CUX2: variants seen among roughly 807,000 people sequenced by gnomAD.
CUX2 encodes homeobox protein cut-like 2.
Under a neutral mutation model 144.8 loss-of-function variants are expected in CUX2, and 40 were observed. The observed-to-expected ratio is 0.28, with a 90% CI of 0.21 to 0.36. The LOEUF (loss-of-function observed/expected upper bound fraction) is 0.36. CUX2 is among the 10% of genes least tolerant of loss of function. CUX2 has a pLI of 1.00. For missense variants in CUX2, 1,615 were observed against 1,994.0 expected, an observed-to-expected ratio of 0.81 and a Z score of 3.62; for synonymous variants, 827 against 875.6, an observed-to-expected ratio of 0.94 and a Z score of 0.98.
At chr12:111,266,903 T>C (rs1034603301) in intron 4 of CUX2, among the ~76,000 whole-genome samples, 8 of 152,148 alleles carry the variant, frequency 5.3e-5, no homozygotes, top group Non-Finnish European at 1.2e-4. Context: ...TGGTTAGAAA[T>C]GCAGAGGCTC....
At chr12:111,099,745 C>A (rs573932560) in intron 1 of CUX2, 1 of 453,764 alleles carries the variant, frequency 2.2e-6, no homozygotes, top group Non-Finnish European at 4.4e-6. Flanking sequence ...GGGGCCTGCA[C>A]GGATGGTGTA....
chr12:111,248,166 G>T (rs1883372927), intron 3 of CUX2, among the ~76,000 whole-genome samples: 2 of 152,198 alleles, frequency 1.3e-5, no homozygotes, highest in Non-Finnish European at 2.9e-5. Flanking sequence ...CTCCCAGAGT[G>T]CCGGGATTAT....
At chr12:111,292,827 A>C (rs1161547657) in intron 5 of CUX2, among the ~76,000 whole-genome samples, 2 of 151,816 alleles carry the variant, frequency 1.3e-5, no homozygotes, top group African/African-American at 2.4e-5. Flanking sequence ...ATGGTGGTTA[A>C]AATAGTGAAT....
chr12:111,137,409 A>T (rs1373325673), intron 1 of CUX2, among the ~76,000 whole-genome samples: 1 of 151,638 alleles, frequency 6.6e-6, no homozygotes, highest in Non-Finnish European at 1.5e-5. Context: ...ATAGAATTGA[A>T]ATCAGACACT....
chr12:111,246,707 T>C lies in CUX2; in HGVS notation c.223-17054T>C, dbSNP rs1380768223. ...AGAGGAATGGACTGTGGGTGTTGTC[T>C]GGCAAGGCGAGGTCCTTTCTCACCT... On this transcript the variant is annotated intron_variant, in intron 3 of 21. Coordinates refer to ENST00000261726, the MANE Select transcript of CUX2 (RefSeq NM_015267.4). The surrounding 1 kb of genome is among the most constrained non-coding windows in gnomAD (Gnocchi z 4.0). Among the ~76,000 whole-genome samples the C allele has an allele frequency of 6.6e-6, 1 of 152,240 alleles. No individual in the cohort carries two copies. Among genetic ancestry groups the C allele is most frequent in the Non-Finnish European group, 1.5e-5 (1 of 68,042 alleles).
intron 1 of CUX2, among the ~76,000 whole-genome samples, chr12:111,092,828 T>G (rs1333932404): frequency 1.3e-5 from 2 of 149,216 alleles, no homozygotes; most frequent in African/African-American, 5.1e-5. Flanking sequence ...TTTTTTTTTT[T>G]TTTTAAGAAA....
In CUX2 at chr12:111,310,660, G is replaced by T; in HGVS notation, c.1878G>T (p.Arg626Ser). 6.3e-7 allele frequency: 1 copy of T among 1,594,170 alleles called. No homozygotes were observed. Among genetic ancestry groups the T allele is most frequent in the South Asian group, 1.1e-5 (1 of 90,350 alleles). ...ATGAGCAGAATGTACTGGCGCTCAGGACCATCCAAGTGCGGCAGCGAGGTG... is the reference window on the plus strand; with the variant it reads ...ATGAGCAGAATGTACTGGCGCTCAGTACCATCCAAGTGCGGCAGCGAGGTG... Reference protein sequence around the residue: ...LSDEQNVLALRTIQVRQRGSI... With the variant: ...LSDEQNVLALSTIQVRQRGSI... The change falls in exon 15 of 22, where the codon AGG becomes AGT. Residue 626 changes from arginine to serine, a missense_variant. Arg to Ser is a moderately radical substitution (Grantham distance 110, BLOSUM62 -1). Coordinates refer to ENST00000261726, the MANE Select transcript of CUX2 (RefSeq NM_015267.4). This position sits in a 1 kb window ranked among gnomAD's most constrained non-coding sequence, Gnocchi z 7.9.
intron 9 of CUX2, among the ~76,000 whole-genome samples, chr12:111,302,172 A>G (rs1886323940): frequency 6.6e-6 from 1 of 152,254 alleles, no homozygotes; most frequent in South Asian, 2.1e-4. Context: ...CATTGGGCAT[A>G]GCATCCTGAT....
In CUX2 at chr12:111,320,347, G is replaced by T; in HGVS notation, c.2338G>T (p.Gly780Cys). 1.3e-6 allele frequency: 2 copies of T among 1,598,130 alleles called. No individual in the cohort carries two copies. The highest frequency in any genetic ancestry group is 1.3e-5 in the African/African-American group (1 of 74,980). Residue 780 changes from glycine (G) to cysteine (C), a missense_variant, in exon 17 of 22, where the codon GGC (glycine) becomes TGC (cysteine). Physicochemically the swap from Gly to Cys is radical, Grantham distance 159. This residue lies in a region of CUX2 where 390 missense variants were observed against 387.1 expected (regional missense o/e 1.01). Transcript: ENST00000261726. This position sits in a 1 kb window ranked among gnomAD's most constrained non-coding sequence, Gnocchi z 8.1. The stretch of plus-strand genomic sequence containing the variant: ...CATCCGCAAGGTCAAGTCCGAGATC[G>T]GCGACGCCGGCTACTTCGACCACCA... ...SIIRKVKSEI[G>C]DAGYFDHHWA...
chr12:111,053,638 C>G (rs1276159093), intron 1 of CUX2, among the ~76,000 whole-genome samples: 1 of 152,222 alleles, frequency 6.6e-6, no homozygotes, highest in African/African-American at 2.4e-5. Flanking sequence ...TTCGTGGGCC[C>G]TGGCCCTCTT....
chr12:111,279,365 CAT>C lies in CUX2; in HGVS notation c.302-12052_302-12051del, dbSNP rs528982811. On this transcript the variant is annotated intron_variant, in intron 4 of 21. Coordinates refer to ENST00000261726, the MANE Select transcript of CUX2 (RefSeq NM_015267.4). ...ACAGTTTGTATTGAGTCCATTGCCA[CAT>C]GTTATGGTTTGAATTGTGTCCTCCA... Among the ~76,000 whole-genome samples the C allele has an allele frequency of 3.2e-3, 486 of 152,332 alleles. 2 individuals carry two copies. Among genetic ancestry groups the C allele is most frequent in the Middle Eastern group, 0.01 (3 of 294 alleles).
In CUX2 at chr12:111,322,565, C is replaced by A. The variant is rs767356357; in HGVS notation, c.2911C>A (p.Pro971Thr). ...GCTCGGCCAGGCAGTGGGCCAGCAG[C>A]CTGGTGCCTCCCAGGGTGAGTGCGG... is the stretch of plus-strand genomic sequence containing the variant. The part of the protein sequence containing the change: ...DQLGQAVGQQ[P>T]GASQASPTEP... The change falls in exon 18 of 22, where the codon CCT becomes ACT. Residue 971 changes from proline (P) to threonine (T), a missense_variant. Physicochemically the swap from Pro to Thr is conservative, Grantham distance 38. This residue lies in a region of CUX2 where 128 missense variants were observed against 124.4 expected (regional missense o/e 1.03). Coordinates refer to ENST00000261726, the MANE Select transcript of CUX2 (RefSeq NM_015267.4). The surrounding 1 kb of genome is among the most constrained non-coding windows in gnomAD (Gnocchi z 4.2). The A allele has an allele frequency of 1.3e-5, 21 of 1,609,142 alleles. No individual in the cohort carries two copies. Among genetic ancestry groups the A allele is most frequent in the Non-Finnish European group, 1.7e-5 (20 of 1,179,626 alleles).
At chr12:111,062,489 C>T (rs1189048283) in intron 1 of CUX2, among the ~76,000 whole-genome samples, 1 of 152,214 alleles carries the variant, frequency 6.6e-6, no homozygotes, top group Non-Finnish European at 1.5e-5. Flanking sequence ...GGAGACGGCT[C>T]GAGCGAGGGG....
intron 3 of CUX2, among the ~76,000 whole-genome samples, chr12:111,234,554 T>G (rs1221109535): frequency 1.3e-5 from 2 of 151,964 alleles, no homozygotes; most frequent in East Asian, 3.9e-4. Flanking sequence ...AGAGAAGACT[T>G]CTGGAGGAAG....
Position 111,329,954 on chromosome 12 carries a change from C to T in CUX2, c.2927-4487C>T, listed in dbSNP as rs576702827. On this transcript the variant is annotated intron_variant, in intron 18 of 21. Coordinates refer to ENST00000261726, the MANE Select transcript of CUX2 (RefSeq NM_015267.4). ...GCCCGGCCCAAAGACCGTCAGTTTT[C>T]CAGCTGGCCCCAGCCCCTCTCCTGC... Among the ~76,000 whole-genome samples the T allele has an allele frequency of 2.0e-5, 3 of 152,226 alleles. No individual in the cohort carries two copies. In the East Asian group the frequency reaches 5.8e-4, roughly 29 times the overall value.
chr12:111,171,984 T>G lies in CUX2; in HGVS notation c.64-42216T>G, dbSNP rs1385641385. Among the ~76,000 whole-genome samples, 1 of 147,722 alleles carries G rather than the reference T, an allele frequency of 6.8e-6. No homozygotes were observed. Among genetic ancestry groups the G allele is most frequent in the Non-Finnish European group, 1.5e-5 (1 of 67,990 alleles). The stretch of plus-strand genomic sequence containing the variant: ...GTGCATGTGCATGCACCTGTGTGTG[T>G]GTGCATGTGCCTGTGTGTGCGCATG... On this transcript the variant is annotated intron_variant, in intron 1 of 21. Transcript: ENST00000261726. The surrounding 1 kb of genome is among the most constrained non-coding windows in gnomAD (Gnocchi z 5.0).
At chr12:111,184,566 TC>T (rs1373805241) in intron 1 of CUX2, among the ~76,000 whole-genome samples, 2 of 119,122 alleles carry the variant, frequency 1.7e-5, no homozygotes, top group Admixed American at 2.0e-4. Flanking sequence ...GCAAACCTTC[TC>T]TCTACCAAAA....
intron 1 of CUX2, among the ~76,000 whole-genome samples, chr12:111,054,514 T>C (rs942548762): frequency 6.6e-6 from 1 of 152,220 alleles, no homozygotes; most frequent in Non-Finnish European, 1.5e-5. Flanking sequence ...TTTTTTAAAT[T>C]TTATTTTTAT....
rs1005153671 is a variant in CUX2, at chr12:111,322,853, A to G, written c.2926+273A>G. On this transcript the variant is annotated intron_variant, in intron 18 of 21. Coordinates refer to ENST00000261726, the MANE Select transcript of CUX2 (RefSeq NM_015267.4). This position sits in a 1 kb window ranked among gnomAD's most constrained non-coding sequence, Gnocchi z 4.2. Reference sequence around the variant, plus strand: ...TGGCTTTAAGCCTCCAAGTGGCTCCATGGTGCTCAGAGCAGGTGGAGAATG... The same window carrying G: ...TGGCTTTAAGCCTCCAAGTGGCTCCGTGGTGCTCAGAGCAGGTGGAGAATG... Among the ~76,000 whole-genome samples, 4 of 152,178 alleles carry G rather than the reference A, an allele frequency of 2.6e-5. No homozygotes were observed. The highest frequency in any genetic ancestry group is 1.9e-4 in the East Asian group (1 of 5,198).
Sources: allele counts gnomAD v4.1 joint callset (sites outside exome capture counted in the v4.1 genomes callset), GRCh38; gene constraint gnomAD v4.1.1; regional missense constraint gnomAD v4.1.1; non-coding constraint Gnocchi (gnomAD v3.1); transcripts MANE v1.5; gene names NCBI Gene and HGNC (gene_info 2026-07-23, HGNC 2026-07-21).